Variants in PPM1L observed in about 807,000 individuals in gnomAD.
PPM1L encodes the protein protein phosphatase, Mg2+/Mn2+ dependent 1L, also known as protein phosphatase 1L.
PPM1L carries 13 observed loss-of-function variants against 31.4 expected under a neutral mutation model. The observed-to-expected ratio is 0.41, with a 90% CI of 0.27 to 0.66. The LOEUF is 0.66. PPM1L is among the 30% of genes least tolerant of loss of function. PPM1L has a pLI of 0.29. For missense variants in PPM1L, 326 were observed against 453.7 expected, an observed-to-expected ratio of 0.72 and a Z score of 2.56; for synonymous variants, 184 against 175.4, an observed-to-expected ratio of 1.05 and a Z score of -0.39.
At chr3:161,009,079 T>A (rs1717804107) in intron 2 of PPM1L, among the ~76,000 whole-genome samples, 1 of 152,204 alleles carries the variant, frequency 6.6e-6, no homozygotes, top group Non-Finnish European at 1.5e-5. Context: ...GTGCCAGTGA[T>A]GTGGGAGATA....
rs1719891877 is a variant in PPM1L, at chr3:161,070,887, T to TA, written c.*1732dup. 1 of 152,230 alleles carries TA rather than the reference T, an allele frequency of 6.6e-6. No homozygotes were observed. The highest frequency in any genetic ancestry group is 1.5e-5 in the Non-Finnish European group (1 of 68,058). 9.4% of individuals were successfully genotyped at this position (152,230 alleles called of 1,614,324 possible). On this transcript the variant is annotated 3_prime_UTR_variant, in exon 4 of 4. Transcript: ENST00000498165. ...ATCTGTCTTGATTTCTCCAAGCACT[T>TA]AACTTTCTTTGACTGCACTGAGAAT...
intron 2 of PPM1L, among the ~76,000 whole-genome samples, chr3:161,002,022 G>A (rs369672424): frequency 7.3e-6 from 1 of 136,300 alleles, no homozygotes; most frequent in South Asian, 2.3e-4. Context: ...AGAGTGTGAT[G>A]TTCCCCTTCC....
At chr3:160,797,262 T>A (rs959440556) in intron 1 of PPM1L, among the ~76,000 whole-genome samples, 1 of 152,154 alleles carries the variant, frequency 6.6e-6, no homozygotes, top group Non-Finnish European at 1.5e-5. Context: ...ATACTTGATG[T>A]TACTATTGTT....
chr3:160,924,808 G>T (rs13073059), intron 1 of PPM1L, among the ~76,000 whole-genome samples: 39,927 of 152,088 alleles, frequency 0.26, 5,551 homozygotes, highest in East Asian at 0.51. Context: ...AGATAGGTCA[G>T]TTATGGTACT....
At chr3:160,785,501 C>A (rs1006067273) in intron 1 of PPM1L, among the ~76,000 whole-genome samples, 1 of 152,132 alleles carries the variant, frequency 6.6e-6, no homozygotes, top group Admixed American at 6.5e-5. Context: ...ATCTCTAAAA[C>A]CCCTCCCCAG....
At chr3:160,858,062 T>C (rs189460506) in intron 1 of PPM1L, among the ~76,000 whole-genome samples, 1 of 152,266 alleles carries the variant, frequency 6.6e-6, no homozygotes, top group African/African-American at 2.4e-5. Flanking sequence ...ATTTAGGCTG[T>C]TTAGTTGACA....
At chr3:161,007,495 G>A (rs1254592347) in intron 2 of PPM1L, among the ~76,000 whole-genome samples, 1 of 152,204 alleles carries the variant, frequency 6.6e-6, no homozygotes, top group African/African-American at 2.4e-5. Context: ...AGAAATGGAA[G>A]TTGTGTGGGG....
At chr3:160,789,313 C>T (rs1560107582) in intron 1 of PPM1L, among the ~76,000 whole-genome samples, 1 of 151,792 alleles carries the variant, frequency 6.6e-6, no homozygotes. Flanking sequence ...ATACAGAATT[C>T]CCTTATGGTT....
At chr3:160,961,315 A>G (rs1299789409) in intron 1 of PPM1L, among the ~76,000 whole-genome samples, 2 of 152,192 alleles carry the variant, frequency 1.3e-5, no homozygotes, top group Non-Finnish European at 2.9e-5. Context: ...GTAGAGACTA[A>G]TAAAACAAAG....
intron 1 of PPM1L, among the ~76,000 whole-genome samples, chr3:160,783,617 AAAAGAAAGAAAG>A (rs1208119183): frequency 1.3e-5 from 2 of 151,520 alleles, no homozygotes; most frequent in Non-Finnish European, 2.9e-5. Context: ...AAAAAAAAGA[AAAAGAAAGAAAG>A]AAAGAAAGAA....
intron 1 of PPM1L, among the ~76,000 whole-genome samples, chr3:160,936,326 C>T (rs1348820649): frequency 2.6e-5 from 4 of 152,130 alleles, no homozygotes; most frequent in Non-Finnish European, 4.4e-5. Flanking sequence ...CTCCTAACCT[C>T]GTGATCCACC....
chr3:160,774,391 T>C (rs1195685782), intron 1 of PPM1L, among the ~76,000 whole-genome samples: 1 of 152,198 alleles, frequency 6.6e-6, no homozygotes, highest in African/African-American at 2.4e-5. Flanking sequence ...GGCCTCCTCA[T>C]GGTCACTTTG....
intron 1 of PPM1L, chr3:160,870,633 C>G (rs1712270677): frequency 6.6e-6 from 1 of 152,146 alleles, no homozygotes. Context: ...TCGGTCATTT[C>G]TGTGTTTTGG....
intron 2 of PPM1L, among the ~76,000 whole-genome samples, chr3:160,980,053 G>C (rs1347621089): frequency 6.6e-6 from 1 of 151,984 alleles, no homozygotes; most frequent in Admixed American, 6.6e-5. Context: ...CCAGATTCCA[G>C]GGTAGGGCTG....
chr3:161,066,087 T>G (rs111456557), intron 3 of PPM1L, among the ~76,000 whole-genome samples: 175 of 152,328 alleles, frequency 1.1e-3, no homozygotes, highest in African/African-American at 3.8e-3. Flanking sequence ...TGGGTCACCT[T>G]TTACAATACA....
intron 1 of PPM1L, among the ~76,000 whole-genome samples, chr3:160,927,638 G>A (rs1559890540): frequency 2.0e-5 from 3 of 152,110 alleles, no homozygotes; most frequent in Non-Finnish European, 2.9e-5. Context: ...GCGTGCGTGT[G>A]CGTGCGCGCG....
chr3:160,850,295 T>G (rs575332845), intron 1 of PPM1L, among the ~76,000 whole-genome samples: 130 of 152,282 alleles, frequency 8.5e-4, no homozygotes, highest in African/African-American at 3.0e-3. Context: ...GACAGTGGGT[T>G]GTTGTTGACC....
Position 161,078,694 on chromosome 3 carries a change from G to C in PPM1L, c.*9537G>C, listed in dbSNP as rs1720186463. On this transcript the variant is annotated 3_prime_UTR_variant, in exon 4 of 4. Transcript: ENST00000498165. ...TTGGTGTAACATTACCTGTAGTAGA[G>C]CTCAGAGTATATGGCAGTGCACGGT... The C allele has an allele frequency of 6.6e-6, 1 of 152,154 alleles. No individual in the cohort carries two copies. The highest frequency in any genetic ancestry group is 1.5e-5 in the Non-Finnish European group (1 of 68,036). The allele number at this position is 152,154 out of a possible 1,614,324, so 9.4% of individuals were successfully genotyped here.
At chr3:160,937,101 A>G (rs543693994) in intron 1 of PPM1L, among the ~76,000 whole-genome samples, 10 of 152,260 alleles carry the variant, frequency 6.6e-5, no homozygotes, top group Admixed American at 5.9e-4. Context: ...TTTGTTTTTT[A>G]CCTCTAGTAG....
Sources: gnomAD v4.1 joint callset for allele counts (sites outside exome capture counted in the v4.1 genomes callset) on GRCh38, gnomAD v4.1.1 for gene constraint, MANE v1.5 for transcripts, NCBI Gene and HGNC (gene_info 2026-07-23, HGNC 2026-07-21) for gene names.